Variants in PTK2 observed in about 807,000 individuals in gnomAD.
PTK2 encodes the protein focal adhesion kinase 1.
In PTK2, 45 loss-of-function variants were observed where a neutral mutation model predicts 150.1. The ratio of observed to expected loss-of-function variants is 0.30; its 90% confidence interval spans 0.24 to 0.38. The LOEUF (loss-of-function observed/expected upper bound fraction) is 0.38. PTK2 is among the 10% of genes least tolerant of loss of function. The pLI is 1.00. For missense variants in PTK2, 919 were observed against 1,307.3 expected, an observed-to-expected ratio of 0.70 and a Z score of 4.58; for synonymous variants, 432 against 449.2, an observed-to-expected ratio of 0.96 and a Z score of 0.48.
intron 26 of PTK2, among the ~76,000 whole-genome samples, chr8:140,694,076 T>G (rs1264547079): frequency 6.7e-6 from 1 of 150,352 alleles, no homozygotes; most frequent in Non-Finnish European, 1.5e-5. Context: ...AGTCTCGCTC[T>G]GTCGCCCAGG....
chr8:140,827,033 C>T (rs2100112199), intron 8 of PTK2, among the ~76,000 whole-genome samples: 1 of 152,144 alleles, frequency 6.6e-6, no homozygotes, highest in Admixed American at 6.6e-5. Flanking sequence ...CCTTAATCAC[C>T]TCCCAAGTCT....
intron 24 of PTK2, among the ~76,000 whole-genome samples, chr8:140,703,246 G>T (rs1166169657): frequency 6.6e-6 from 1 of 152,092 alleles, no homozygotes; most frequent in African/African-American, 2.4e-5. Context: ...CTGGGTGACA[G>T]AGAGAGACTC....
intron 17 of PTK2, among the ~76,000 whole-genome samples, chr8:140,751,231 C>T (rs975129113): frequency 7.2e-5 from 11 of 152,196 alleles, no homozygotes; most frequent in African/African-American, 1.4e-4. Context: ...TGCAATGGCA[C>T]GATCTTAGCT....
intron 4 of PTK2, among the ~76,000 whole-genome samples, chr8:140,876,713 A>G (rs1489099518): frequency 1.3e-5 from 2 of 151,770 alleles, no homozygotes; most frequent in Non-Finnish European, 2.9e-5. Context: ...TTGCATTCAC[A>G]TTTTCCATCT....
intron 20 of PTK2, among the ~76,000 whole-genome samples, chr8:140,741,130 C>G (rs1435675155): frequency 6.8e-6 from 1 of 146,248 alleles, no homozygotes; most frequent in African/African-American, 2.5e-5. Flanking sequence ...GACGACAGAA[C>G]GAGACCCTGT....
At position 140,990,007 on chromosome 8, in the gene PTK2, G is replaced by C. The variant is rs1018942447; in HGVS notation, c.-122+11118C>G. Among the ~76,000 whole-genome samples the C allele has an allele frequency of 4.6e-5, 7 of 152,030 alleles. No individual in the cohort carries two copies. The East Asian group carries it at 1.3e-3, about 29-fold the overall frequency. On this transcript the variant is annotated intron_variant, in intron 1 of 31. Coordinates refer to ENST00000522684, the Ensembl canonical transcript of PTK2. ...TATAAACCATCAAAAGGGGTGCAGAGGGGAGACAGGTTATAAGAGCAGAGA... is the reference window on the plus strand; with the variant it reads ...TATAAACCATCAAAAGGGGTGCAGACGGGAGACAGGTTATAAGAGCAGAGA...
chr8:140,897,650 G>C (rs1233396446), intron 2 of PTK2, among the ~76,000 whole-genome samples: 1 of 152,142 alleles, frequency 6.6e-6, no homozygotes, highest in Non-Finnish European at 1.5e-5. Flanking sequence ...TCAAAGAATG[G>C]CCTCAACTAT....
chr8:140,740,544 G>C (rs888862704), intron 20 of PTK2, among the ~76,000 whole-genome samples: 2 of 152,180 alleles, frequency 1.3e-5, no homozygotes, highest in Admixed American at 1.3e-4. Context: ...TTTGGAGTTT[G>C]TACTTATTTC....
At chr8:140,909,989 G>C (rs2100162472) in intron 2 of PTK2, among the ~76,000 whole-genome samples, 1 of 151,920 alleles carries the variant, frequency 6.6e-6, no homozygotes. Flanking sequence ...CCTAAAGCTT[G>C]TCCTATTAAA....
intron 15 of PTK2, 104 bp from the exon 18 acceptor site, chr8:140,762,492 T>G (rs1421899655): frequency 7.0e-6 from 3 of 425,582 alleles, no homozygotes; most frequent in East Asian, 3.1e-4. Flanking sequence ...TCAACAATAC[T>G]TAATTTTTAA....
rs75861181 is a variant in PTK2 at position 140,766,692 on chromosome 8, C to A, written c.1178-2402G>T. 8.5e-5 allele frequency among the ~76,000 whole-genome samples: 13 copies of A among 152,276 alleles called. No homozygotes were observed. In the East Asian group the frequency reaches 2.5e-3, roughly 29 times the overall value. On this transcript the variant is annotated intron_variant, in intron 14 of 31. Coordinates refer to ENST00000522684, the Ensembl canonical transcript of PTK2. The stretch of plus-strand genomic sequence containing the variant: ...CACTGCAACAATCAGTAAAGGAACG[C>A]TATACCCCTAAGAAACTGAGGCAAA...
chr8:140,825,039 T>G (rs1433656192), intron 8 of PTK2, among the ~76,000 whole-genome samples: 2 of 152,178 alleles, frequency 1.3e-5, no homozygotes, highest in African/African-American at 4.8e-5. Flanking sequence ...CAACAATAGA[T>G]TCCTAGGACT....
intron 5 of PTK2, among the ~76,000 whole-genome samples, chr8:140,853,016 GCA>G (rs1334586350): frequency 2.6e-5 from 4 of 152,114 alleles, no homozygotes; most frequent in African/African-American, 7.2e-5. Context: ...GATAATTTAT[GCA>G]CACACTGTTT....
At chr8:140,661,024 G>C (rs2079017832) in intron 31 of PTK2, among the ~76,000 whole-genome samples, 1 of 152,216 alleles carries the variant, frequency 6.6e-6, no homozygotes, top group Non-Finnish European at 1.5e-5. Flanking sequence ...TCACGTAGTA[G>C]AAAAGTACAT....
At chr8:140,704,977 G>T (rs1045758866) in intron 24 of PTK2, among the ~76,000 whole-genome samples, 1 of 152,166 alleles carries the variant, frequency 6.6e-6, no homozygotes, top group Admixed American at 6.5e-5. Flanking sequence ...ATTCACTCTT[G>T]ACTCTGCCAG....
At chr8:140,982,623 C>G (rs1354863944) in intron 1 of PTK2, among the ~76,000 whole-genome samples, 3 of 152,034 alleles carry the variant, frequency 2.0e-5, no homozygotes, top group Non-Finnish European at 4.4e-5. Flanking sequence ...AAGAAAGACA[C>G]AGGACAGTCA....
Position 140,857,781 on chromosome 8 carries a change from C to T in PTK2, c.450+6531G>A, listed in dbSNP as rs1314785221. ...CTTCAAAATCTACTCAAAGGGTCTC[C>T]ATTTGGTAGTAACTTGTTTCCAAGC... is the stretch of plus-strand genomic sequence containing the variant. On this transcript the variant is annotated intron_variant, in intron 5 of 31. Transcript: ENST00000522684. Among the ~76,000 whole-genome samples the T allele has an allele frequency of 2.6e-5, 4 of 152,250 alleles. No individual in the cohort carries two copies. The East Asian group carries it at 7.7e-4, about 29-fold the overall frequency.
chr8:140,664,789 G>T, intron 31 of PTK2, 128 bp downstream of exon 35: 1 of 901,436 alleles, frequency 1.1e-6, no homozygotes, highest in Non-Finnish European at 1.8e-6. Flanking sequence ...GAAGGTCATC[G>T]CTTGTAGGGC....
intron 10 of PTK2, 105 bp downstream of exon 10, chr8:140,818,172 G>A: frequency 9.1e-7 from 1 of 1,101,186 alleles, no homozygotes. Flanking sequence ...AGTGCAATAG[G>A]AAAATTTAAT....
Sources: allele counts gnomAD v4.1 joint callset (sites outside exome capture counted in the v4.1 genomes callset), GRCh38; gene constraint gnomAD v4.1.1; transcripts MANE v1.5; gene names NCBI Gene and HGNC (gene_info 2026-07-23, HGNC 2026-07-21).